Variants in CADPS observed in about 807,000 individuals in gnomAD.
CADPS encodes the protein calcium-dependent secretion activator 1.
CADPS carries 57 observed loss-of-function variants against 167.3 expected under a neutral mutation model. The observed-to-expected ratio is 0.34, with a 90% CI of 0.28 to 0.42. CADPS has a LOEUF of 0.42. CADPS is among the 20% of genes least tolerant of loss of function. CADPS has a pLI of 1.00. For missense variants in CADPS, 1,414 were observed against 1,738.1 expected (o/e 0.81, Z 3.32); for synonymous variants, 676 against 635.3 (o/e 1.06, Z -0.96).
chr3:62,592,619 G>T lies in CADPS; in HGVS notation c.1437+18C>A. On this transcript the variant is annotated intron_variant, in intron 7 of 29. Coordinates refer to ENST00000383710, the MANE Select transcript of CADPS (RefSeq NM_003716.4). ...AAATCCTCTCTGTGGAGTTCCCCTTGTGATAAGAAGTGCTTACCCGCCCAA... is the reference window on the plus strand; with the variant it reads ...AAATCCTCTCTGTGGAGTTCCCCTTTTGATAAGAAGTGCTTACCCGCCCAA... 1 of 1,585,476 alleles carries T rather than the reference G, an allele frequency of 6.3e-7. No homozygotes were observed. The highest frequency in any genetic ancestry group is 8.7e-7 in the Non-Finnish European group (1 of 1,154,256).
chr3:62,576,681 C>T (rs2082326322), intron 8 of CADPS, among the ~76,000 whole-genome samples: 1 of 145,148 alleles, frequency 6.9e-6, no homozygotes, highest in Non-Finnish European at 1.5e-5. Flanking sequence ...GTCCCAGCTA[C>T]TCGGGAGGCT....
intron 28 of CADPS, among the ~76,000 whole-genome samples, chr3:62,423,361 C>T (rs2051889628): frequency 1.3e-5 from 2 of 152,330 alleles, no homozygotes; most frequent in South Asian, 4.2e-4. Flanking sequence ...GACTAATAAG[C>T]CACGTTCTAG....
At position 62,630,094 on chromosome 3, in the gene CADPS, C is replaced by T. The variant is rs552784669; in HGVS notation, c.1325+15628G>A. Among the ~76,000 whole-genome samples, 7 of 152,208 alleles carry T rather than the reference C, an allele frequency of 4.6e-5. No homozygotes were observed. The South Asian group carries it at 1.2e-3, about 27-fold the overall frequency. On this transcript the variant is annotated intron_variant, in intron 6 of 29. Coordinates refer to ENST00000383710, the MANE Select transcript of CADPS (RefSeq NM_003716.4). ...CTCCACCCACTAGAATATAGGGTTG[C>T]TGAGGGTGGAGACTGTGTCTGTCTT...
At chr3:62,530,614 G>T in intron 13 of CADPS, 2 of 1,217,038 alleles carry the variant, frequency 1.6e-6, no homozygotes, top group Non-Finnish European at 2.1e-6. Flanking sequence ...AAAGGGTAAA[G>T]ATATTACAAA....
At chr3:62,583,320 T>A (rs936106469) in intron 8 of CADPS, among the ~76,000 whole-genome samples, 1 of 152,098 alleles carries the variant, frequency 6.6e-6, no homozygotes, top group Non-Finnish European at 1.5e-5. Context: ...AATTATCAAC[T>A]CCTTTGTCTT....
intron 10 of CADPS, among the ~76,000 whole-genome samples, chr3:62,556,777 G>A (rs144694327): frequency 7.3e-5 from 11 of 151,588 alleles, no homozygotes; most frequent in African/African-American, 1.5e-4. Flanking sequence ...AAATACTACC[G>A]CTCGTGTAGT....
chr3:62,627,382 A>G (rs1455872036), intron 6 of CADPS, among the ~76,000 whole-genome samples: 1 of 152,144 alleles, frequency 6.6e-6, no homozygotes, highest in Non-Finnish European at 1.5e-5. Context: ...GTCTATAAAA[A>G]TAAACATAAT....
chr3:62,555,088 T>C (rs1451603784), intron 10 of CADPS, among the ~76,000 whole-genome samples: 5 of 152,162 alleles, frequency 3.3e-5, no homozygotes, highest in Non-Finnish European at 7.3e-5. Flanking sequence ...AGTTAGACTT[T>C]CCCATGACAA....
intron 27 of CADPS, chr3:62,439,716 C>T (rs978201756): frequency 2.6e-5 from 4 of 152,124 alleles, no homozygotes; most frequent in Non-Finnish European, 4.4e-5. Context: ...TCTATTTCTC[C>T]CCTGGTGATG....
chr3:62,715,420 T>TA (rs2084318393), intron 3 of CADPS, among the ~76,000 whole-genome samples: 2 of 86,266 alleles, frequency 2.3e-5, no homozygotes, highest in South Asian at 3.1e-4. Context: ...TAAATATATA[T>TA]TTATATATAT....
chr3:62,596,289 G>C (rs1014967458), intron 6 of CADPS, among the ~76,000 whole-genome samples: 1 of 151,324 alleles, frequency 6.6e-6, no homozygotes, highest in Admixed American at 6.6e-5. Flanking sequence ...TCTGCCTCCC[G>C]GGTACAAGTG....
intron 22 of CADPS, among the ~76,000 whole-genome samples, chr3:62,480,715 C>T (rs1277829628): frequency 3.3e-5 from 5 of 152,084 alleles, no homozygotes; most frequent in Non-Finnish European, 7.4e-5. Flanking sequence ...GAAAACGTGC[C>T]AATTTATTCT....
chr3:62,860,225 G>T (rs1438501447), intron 1 of CADPS, among the ~76,000 whole-genome samples: 1 of 152,180 alleles, frequency 6.6e-6, no homozygotes, highest in Non-Finnish European at 1.5e-5. Context: ...GCCTCCTCCA[G>T]GAAGCAGGCT....
Position 62,602,417 on chromosome 3 carries a change from GC to G in CADPS, c.1326-9670del, listed in dbSNP as rs1401193119. ...GTGCGGTTCATAAAATTAACTGTGG[GC>G]TTTAACAAGAGAGAAGTGTCATTTC... On this transcript the variant is annotated intron_variant, in intron 6 of 29. Transcript: ENST00000383710. This position sits in a 1 kb window ranked among gnomAD's most constrained non-coding sequence, Gnocchi z 4.4. 6.6e-6 allele frequency among the ~76,000 whole-genome samples: 1 copy of G among 152,106 alleles called. No individual in the cohort carries two copies. The highest frequency in any genetic ancestry group is 1.5e-5 in the Non-Finnish European group (1 of 68,026).
chr3:62,529,144 AG>A (rs2073057127), intron 13 of CADPS, among the ~76,000 whole-genome samples: 1 of 152,194 alleles, frequency 6.6e-6, no homozygotes, highest in Non-Finnish European at 1.5e-5. Context: ...ATGGGGCACA[AG>A]AGCGAGACTT....
chr3:62,720,736 G>A (rs1427183282), intron 3 of CADPS, among the ~76,000 whole-genome samples: 1 of 151,936 alleles, frequency 6.6e-6, no homozygotes, highest in Non-Finnish European at 1.5e-5. Flanking sequence ...GTAAGAGATG[G>A]GGCCTGATTC....
intron 17 of CADPS, chr3:62,500,449 C>CCCGG (rs1214354266): frequency 6.6e-6 from 1 of 152,202 alleles, no homozygotes; most frequent in East Asian, 1.9e-4. Context: ...AACCACTGTG[C>CCCGG]CCGGCCAAAA....
rs2083278636 is a variant in CADPS, at chr3:62,753,920, T to C, written c.556-147A>G. ...TCACCCTGCCCCACCACCTCCTGGC[T>C]GTGCAAACTCAGAGTAGTCTCTTAC... On this transcript the variant is annotated intron_variant, in intron 2 of 29. Transcript: ENST00000383710. This position sits in a 1 kb window ranked among gnomAD's most constrained non-coding sequence, Gnocchi z 4.6. 5.9e-6 allele frequency: 4 copies of C among 680,106 alleles called. No individual in the cohort carries two copies. In the South Asian group the frequency reaches 7.7e-5, roughly 13 times the overall value. The allele number at this position is 680,106 out of a possible 1,614,324, so 42.1% of individuals were successfully genotyped here. A position where few individuals can be genotyped will look rare whatever the true frequency, so the allele number is the denominator to read the frequency against.
At chr3:62,711,877 T>G (rs968507817) in intron 3 of CADPS, among the ~76,000 whole-genome samples, 1 of 152,208 alleles carries the variant, frequency 6.6e-6, no homozygotes, top group Non-Finnish European at 1.5e-5. Flanking sequence ...TCGTGGCTAC[T>G]CAACAGCAAC....
Sources: gnomAD v4.1 joint callset for allele counts (sites outside exome capture counted in the v4.1 genomes callset) on GRCh38, gnomAD v4.1.1 for gene constraint, Gnocchi (gnomAD v3.1) non-coding constraint, MANE v1.5 for transcripts, NCBI Gene and HGNC (gene_info 2026-07-23, HGNC 2026-07-21) for gene names.